USP42: variants seen among roughly 807,000 people sequenced by gnomAD.
The protein encoded by USP42 is ubiquitin specific peptidase 42, also known as ubiquitin carboxyl-terminal hydrolase 42.
In USP42, 23 loss-of-function variants were observed where a neutral mutation model predicts 113.0. That is an observed-to-expected ratio of 0.20 (90% CI 0.15 to 0.29). USP42 has a LOEUF of 0.29. Ranked by LOEUF, USP42 falls within the 10% of genes least tolerant of loss-of-function variation. The probability of loss-of-function intolerance (pLI) is 1.00; values close to 1 mark genes in which losing one functional copy is unlikely to be tolerated. For missense variants in USP42, 2,174 were observed against 1,779.8 expected (o/e 1.22, Z -3.99); for synonymous variants, 933 against 699.0 (o/e 1.33, Z -5.28).
intron 15 of USP42, among the ~76,000 whole-genome samples, chr7:6,156,266 G>A (rs1004966058): frequency 1.3e-5 from 2 of 152,158 alleles, no homozygotes; most frequent in Non-Finnish European, 2.9e-5. Flanking sequence ...AGGGAAGGAG[G>A]CTTAGTATTT....
intron 15 of USP42, 56 bp from the exon 16 acceptor site, chr7:6,156,698 C>G: frequency 6.8e-7 from 1 of 1,478,874 alleles, no homozygotes; most frequent in Non-Finnish European, 8.9e-7. Flanking sequence ...GCTCCAGGGT[C>G]TGCTGCTGGT....
At chr7:6,092,070 TTCTTCC>T in the USP42 span, among the ~76,000 whole-genome samples, 7 of 60,478 alleles carry the variant, frequency 1.2e-4, 2 homozygotes, top group African/African-American at 3.1e-4. Flanking sequence ...CTTCTTCTTC[TTCTTCC>T]TCTTCCTCTT....
intron 2 of USP42, among the ~76,000 whole-genome samples, chr7:6,113,710 C>T (rs987371316): frequency 6.6e-6 from 1 of 152,156 alleles, no homozygotes; most frequent in African/African-American, 2.4e-5. Flanking sequence ...CAACCTCCGC[C>T]TCCCGGGTTC....
At position 6,154,034 on chromosome 7, in the gene USP42, A is replaced by G; in HGVS notation, c.2480A>G (p.Asp827Gly). 5 of 1,605,126 alleles carry G rather than the reference A, an allele frequency of 3.1e-6. No individual in the cohort carries two copies. The highest frequency in any genetic ancestry group is 4.2e-6 in the Non-Finnish European group (5 of 1,179,326). Residue 827 changes from aspartate (D) to glycine (G), a missense_variant, in exon 15 of 18, where the codon GAT becomes GGT. By Grantham distance (94) the Asp-to-Gly change is moderately conservative. Coordinates refer to ENST00000306177, the MANE Select transcript of USP42 (RefSeq NM_032172.3). ...DLCDPGSLTG[D>G]ASPLSQDAKG... ...TGTGATCCCGGGAGCTTAACAGGCG[A>G]TGCGAGCCCGTTGTCCCAGGACGCA...
At chr7:6,131,912 A>T (rs776564150) in intron 3 of USP42, among the ~76,000 whole-genome samples, 1 of 152,074 alleles carries the variant, frequency 6.6e-6, no homozygotes, top group Non-Finnish European at 1.5e-5. Context: ...TGATATTCTC[A>T]TGGGGTGTAG....
At position 6,145,725 on chromosome 7, in the gene USP42, G is replaced by T; in HGVS notation, c.1131+69G>T. The T allele has an allele frequency of 2.7e-6, 4 of 1,508,154 alleles. No individual in the cohort carries two copies. In the South Asian group the frequency reaches 3.6e-5, roughly 14 times the overall value. 93.4% of individuals were successfully genotyped at this position (1,508,154 alleles called of 1,614,324 possible). A position where few individuals can be genotyped will look rare whatever the true frequency, so the allele number is the denominator to read the frequency against. ...TATAAGACAGCAGTAGCATTCTTGG[G>T]GTAGGGAGAGGTGGAACTTTTACAG... On this transcript the variant is annotated intron_variant, in intron 10 of 17. Transcript: ENST00000306177.
chr7:6,142,705 G>A (rs989438976), intron 7 of USP42, among the ~76,000 whole-genome samples: 1 of 152,048 alleles, frequency 6.6e-6, no homozygotes, highest in African/African-American at 2.4e-5. Flanking sequence ...GGAATATAGT[G>A]AGACCCCTGT....
intron 3 of USP42, among the ~76,000 whole-genome samples, chr7:6,135,386 A>G (rs1583636623): frequency 6.6e-6 from 1 of 152,026 alleles, no homozygotes; most frequent in South Asian, 2.1e-4. Context: ...GGTGGCTTAC[A>G]CCTATAATCC....
chr7:6,139,831 G>C lies in USP42; in HGVS notation c.657-297G>C, dbSNP rs1333764720. 8.5e-6 allele frequency: 4 copies of C among 471,284 alleles called. No individual in the cohort carries two copies. The highest frequency in any genetic ancestry group is 1.5e-5 in the Non-Finnish European group (4 of 259,596). The allele number at this position is 471,284 out of a possible 1,614,324, so 29.2% of individuals were successfully genotyped here. The stretch of plus-strand genomic sequence containing the variant: ...CCTTTCCTCCCACACAGGCCGCAGT[G>C]CCCGGAGGCTGCCATCTTCCTGCTT... On this transcript the variant is annotated intron_variant, in intron 5 of 17. Coordinates refer to ENST00000306177, the MANE Select transcript of USP42 (RefSeq NM_032172.3). The surrounding 1 kb of genome is among the most constrained non-coding windows in gnomAD (Gnocchi z 4.5).
In USP42 at chr7:6,123,718, T is replaced by G. The variant is rs576061319; in HGVS notation, c.442+8195T>G. Among the ~76,000 whole-genome samples, 89 of 151,650 alleles carry G rather than the reference T, an allele frequency of 5.9e-4. 1 individual carries two copies. The highest frequency in any genetic ancestry group is 1.9e-3 in the African/African-American group (78 of 41,390). On this transcript the variant is annotated intron_variant, in intron 3 of 17. Transcript: ENST00000306177. ...AAAAAATTAGCTAGGCGTGGTGGTG[T>G]TCTTCTATAGTCTTAGCTACTCGGG... is the stretch of plus-strand genomic sequence containing the variant.
intron 3 of USP42, among the ~76,000 whole-genome samples, chr7:6,120,685 G>A (rs1284108704): frequency 6.6e-6 from 1 of 152,138 alleles, no homozygotes; most frequent in Non-Finnish European, 1.5e-5. Flanking sequence ...CTGGGTTCAA[G>A]CAATTCTTCT....
In USP42 at chr7:6,159,373, T is replaced by G; in HGVS notation, c.3944-77T>G. On this transcript the variant is annotated intron_variant, in intron 16 of 17. Transcript: ENST00000306177. This position sits in a 1 kb window ranked among gnomAD's most constrained non-coding sequence, Gnocchi z 4.1. ...CGCAGTGACTCTGACCATAGCCACT[T>G]AACGCACACACACAGCAGAGGCCCT... 1.2e-6 allele frequency: 2 copies of G among 1,600,036 alleles called. No individual in the cohort carries two copies. Among genetic ancestry groups the G allele is most frequent in the South Asian group, 2.2e-5 (2 of 89,834 alleles).
chr7:6,143,517 T>C (rs1781541916), intron 8 of USP42, among the ~76,000 whole-genome samples: 1 of 152,196 alleles, frequency 6.6e-6, no homozygotes, highest in Non-Finnish European at 1.5e-5. Context: ...CAAGAGTGCC[T>C]ATTTTAAGAA....
intron 3 of USP42, among the ~76,000 whole-genome samples, chr7:6,128,670 T>TA (rs1372787798): frequency 6.6e-6 from 1 of 152,174 alleles, no homozygotes; most frequent in African/African-American, 2.4e-5. Flanking sequence ...ATTGATATTT[T>TA]AAGACTTAAG....
At chr7:6,101,112 C>G (rs1445753233), upstream of USP42, among the ~76,000 whole-genome samples, 3 of 150,986 alleles carry the variant, frequency 2.0e-5, no homozygotes, top group African/African-American at 7.4e-5. Context: ...AGGAGTGGAG[C>G]AACAATATTG....
Position 6,154,636 on chromosome 7 carries a change from G to T in USP42, c.3082G>T (p.Val1028Leu). 1 of 1,603,746 alleles carries T rather than the reference G, an allele frequency of 6.2e-7. No individual in the cohort carries two copies. The highest frequency in any genetic ancestry group is 8.5e-7 in the Non-Finnish European group (1 of 1,176,352). ...CCACCACTCCCGACACCGGAGCGGG[G>T]TGGAGCTGGACTGGGTCAGACACCA... is the stretch of plus-strand genomic sequence containing the variant. ...SHHHSRHRSG[V>L]ELDWVRHHYT... Residue 1028 changes from valine to leucine, a missense_variant, in exon 15 of 18, where the codon GTG (valine) becomes TTG (leucine). Physicochemically the swap from Val to Leu is conservative, Grantham distance 32 (BLOSUM62 1). Transcript: ENST00000306177.
In USP42 at chr7:6,143,146, C is replaced by T. The variant is rs1781523376; in HGVS notation, c.878+132C>T. ...TACCCTCTGGGAAGACACTGCGTCCCTGTCGTCCAAAGGCGAGAGCCCGGA... is the reference window on the plus strand; with the variant it reads ...TACCCTCTGGGAAGACACTGCGTCCTTGTCGTCCAAAGGCGAGAGCCCGGA... On this transcript the variant is annotated intron_variant, in intron 8 of 17. Transcript: ENST00000306177. 3.5e-6 allele frequency: 3 copies of T among 848,600 alleles called. No homozygotes were observed. In the East Asian group the frequency reaches 8.0e-5, roughly 23 times the overall value. The allele number at this position is 848,600 out of a possible 1,614,324, so 52.6% of individuals were successfully genotyped here.
At position 6,153,950 on chromosome 7, in the gene USP42, A is replaced by G; in HGVS notation, c.2396A>G (p.Glu799Gly). ...GAWEAMAVAP[E>G]EPPPSAGEDI... ...TGGGAGGCCATGGCCGTCGCCCCCG[A>G]GGAGCCTCCGCCCAGCGCCGGCGAG... Residue 799 changes from glutamate to glycine, a missense_variant, in exon 15 of 18, where the codon GAG becomes GGG. Glu to Gly is a moderately conservative substitution (Grantham distance 98). Transcript: ENST00000306177. 2 of 1,597,728 alleles carry G rather than the reference A, an allele frequency of 1.3e-6. No homozygotes were observed. Among genetic ancestry groups the G allele is most frequent in the Non-Finnish European group, 1.7e-6 (2 of 1,174,870 alleles).
intron 3 of USP42, chr7:6,116,378 G>C (rs887511869): frequency 6.0e-6 from 1 of 165,764 alleles, no homozygotes; most frequent in Admixed American, 6.5e-5. Context: ...AGCCAACTCA[G>C]TGGTTGACTA....
Sources: allele counts gnomAD v4.1 joint callset (sites outside exome capture counted in the v4.1 genomes callset), GRCh38; gene constraint gnomAD v4.1.1; non-coding constraint Gnocchi (gnomAD v3.1); transcripts MANE v1.5; gene names NCBI Gene and HGNC (gene_info 2026-07-23, HGNC 2026-07-21).